The following TASOR2 variants were observed in gnomAD, a reference collection of about 807,000 sequenced individuals.
TASOR2 encodes protein TASOR 2.
A neutral mutation model predicts 199.5 loss-of-function variants in TASOR2; 84 were observed. That is an observed-to-expected ratio of 0.42 (90% CI 0.35 to 0.50). The LOEUF is 0.50. TASOR2 is among the 20% of genes least tolerant of loss of function. The pLI is 0.02. For missense variants in TASOR2, 2,796 were observed against 2,835.9 expected (o/e 0.99, Z 0.32); for synonymous variants, 1,103 against 1,046.6 (o/e 1.05, Z -1.04).
At chr10:5,691,472 A>G (rs1836419076) in intron 1 of TASOR2, among the ~76,000 whole-genome samples, 1 of 152,210 alleles carries the variant, frequency 6.6e-6, no homozygotes, top group Non-Finnish European at 1.5e-5. Flanking sequence ...AATTCCAAAA[A>G]AAAAGTTTTT....
chr10:5,704,117 G>C lies in TASOR2; in HGVS notation c.-287-8706G>C, dbSNP rs148228276. On this transcript the variant is annotated intron_variant, in intron 1 of 20. Transcript: ENST00000328090. Reference sequence around the variant, plus strand: ...TGGGCGCCTGTCATCCCAGTTACTCGGGAGGCTGAGGCAGGAGAATCACTT... The same window carrying C: ...TGGGCGCCTGTCATCCCAGTTACTCCGGAGGCTGAGGCAGGAGAATCACTT... Among the ~76,000 whole-genome samples the C allele has an allele frequency of 7.4e-4, 113 of 151,740 alleles. 2 individuals carry two copies. The highest frequency in any genetic ancestry group is 5.0e-4 in the Non-Finnish European group (34 of 67,882).
chr10:5,762,495 A>ATATT (rs1002197042), intron 19 of TASOR2, 37 bp from the exon 21 acceptor site: 6 of 540,312 alleles, frequency 1.1e-5, no homozygotes, highest in Non-Finnish European at 1.4e-5. Flanking sequence ...TACATTAATT[A>ATATT]TATTAACCAA....
intron 14 of TASOR2, among the ~76,000 whole-genome samples, chr10:5,743,177 C>T (rs36025130): frequency 0.081 from 12,386 of 152,182 alleles, 585 homozygotes; most frequent in Non-Finnish European, 0.11. Context: ...TAAAGTTTTC[C>T]GCCCAAATTT....
At chr10:5,684,919 C>T (rs114003811) in exon 1 of TASOR2, 24,383 of 397,882 alleles carry the variant, frequency 0.061, 3,934 homozygotes, top group East Asian at 0.49. Context: ...GCCTCTTGCC[C>T]GTGACCCTGA....
rs1200784707 is a variant in TASOR2 at position 5,740,659 on chromosome 10, A to G, written c.2327+162A>G. ...CATCAAGCAAACATGTTTCCTGGCA[A>G]TTAAGAGTAACAGGCTGGTTTTCCC... On this transcript the variant is annotated intron_variant, in intron 13 of 20. Coordinates refer to ENST00000328090, the Ensembl canonical transcript of TASOR2. This position sits in a 1 kb window ranked among gnomAD's most constrained non-coding sequence, Gnocchi z 5.3. Among the ~76,000 whole-genome samples the G allele has an allele frequency of 2.6e-5, 4 of 152,224 alleles. No individual in the cohort carries two copies. The highest frequency in any genetic ancestry group is 9.6e-5 in the African/African-American group (4 of 41,466).
intron 3 of TASOR2, among the ~76,000 whole-genome samples, chr10:5,718,054 G>A (rs1455682196): frequency 6.6e-6 from 1 of 152,126 alleles, no homozygotes; most frequent in African/African-American, 2.4e-5. Flanking sequence ...ATAAGGTGAT[G>A]TGATTACACT....
At chr10:5,702,856 T>C (rs1010803062) in intron 1 of TASOR2, among the ~76,000 whole-genome samples, 5 of 152,118 alleles carry the variant, frequency 3.3e-5, no homozygotes, top group Admixed American at 1.3e-4. Flanking sequence ...CATTGAGACA[T>C]ATTCTGGTAA....
At chr10:5,762,251 T>TATC (rs1491298405) in intron 19 of TASOR2, among the ~76,000 whole-genome samples, 2 of 46,766 alleles carry the variant, frequency 4.3e-5, no homozygotes, top group Non-Finnish European at 7.8e-5. Flanking sequence ...CCTATCTATC[T>TATC]TTAAAAAAAA....
At position 5,747,047 on chromosome 10, in the gene TASOR2, C is replaced by G; in HGVS notation, c.3626C>G (p.Ser1209Ter). 1.2e-6 allele frequency: 2 copies of G among 1,614,146 alleles called. No individual in the cohort carries two copies. Among genetic ancestry groups the G allele is most frequent in the Non-Finnish European group, 1.7e-6 (2 of 1,180,044 alleles). ...CTGACACAGGTTGAAGTGGACTCAT[C>G]ATCAGCCTCTACCACCTTGGGAAGG... is the stretch of plus-strand genomic sequence containing the variant. Residue 1209 changes from serine (S) to a stop codon, truncating the protein, a stop_gained, in exon 15 of 21, where the codon TCA becomes TGA. Coordinates refer to ENST00000328090, the Ensembl canonical transcript of TASOR2. LOFTEE classifies it high-confidence loss of function.
chr10:5,753,863 G>C (rs924999375), intron 15 of TASOR2, among the ~76,000 whole-genome samples: 1 of 152,084 alleles, frequency 6.6e-6, no homozygotes, highest in African/African-American at 2.4e-5. Flanking sequence ...CTTTTACCTT[G>C]AATTCAGGTT....
intron 1 of TASOR2, among the ~76,000 whole-genome samples, chr10:5,692,166 C>CAAAAAAA (rs1836512537): frequency 4.3e-5 from 3 of 70,444 alleles, no homozygotes; most frequent in Admixed American, 2.7e-4. Context: ...AAAAAAAAAG[C>CAAAAAAA]CATATTCATT....
Position 5,763,033 on chromosome 10 carries a change from C to T in TASOR2, c.*1C>T, listed in dbSNP as rs772529151. On this transcript the variant is annotated 3_prime_UTR_variant, in exon 21 of 21. Coordinates refer to ENST00000328090, the Ensembl canonical transcript of TASOR2. The stretch of plus-strand genomic sequence containing the variant: ...ATCAATTTTGTGTTTCTTCAGGTGA[C>T]TCAACTACAGCCTGCCTGGATATGG... The T allele has an allele frequency of 8.7e-6, 14 of 1,611,622 alleles. No individual in the cohort carries two copies. In the South Asian group the frequency reaches 1.4e-4, roughly 17 times the overall value.
At chr10:5,734,572 T>C (rs1326160675) in intron 11 of TASOR2, among the ~76,000 whole-genome samples, 1 of 152,186 alleles carries the variant, frequency 6.6e-6, no homozygotes, top group African/African-American at 2.4e-5. Context: ...ATACAACTCT[T>C]CTCTGCAGTG....
chr10:5,748,167 T>C lies in TASOR2; in HGVS notation c.4746T>C (p.Ile1582=), dbSNP rs1467008451. 1.9e-6 allele frequency: 3 copies of C among 1,614,106 alleles called. No individual in the cohort carries two copies. In the African/African-American group the frequency reaches 4.0e-5, roughly 22 times the overall value. ...CTCCATTTGGTCCTAGAAATGTTAT[T>C]GAAAATAAGTCTTTGTCTGACACAT... The change falls in exon 15 of 21, where the codon ATT becomes ATC. Residue 1582 remains isoleucine, a synonymous_variant. Transcript: ENST00000328090. This position sits in a 1 kb window ranked among gnomAD's most constrained non-coding sequence, Gnocchi z 5.1.
At chr10:5,760,069 C>T (rs961468094) in intron 18 of TASOR2, among the ~76,000 whole-genome samples, 2 of 152,184 alleles carry the variant, frequency 1.3e-5, no homozygotes, top group South Asian at 2.1e-4. Flanking sequence ...GCCTGAGAAA[C>T]GTCATAAGAC....
chr10:5,734,430 T>C (rs1047463298), intron 11 of TASOR2, among the ~76,000 whole-genome samples: 1 of 152,166 alleles, frequency 6.6e-6, no homozygotes, highest in African/African-American at 2.4e-5. Context: ...TTGTTAGAAA[T>C]AAAACCAGGT....
In TASOR2 at chr10:5,684,923, A is replaced by G; in HGVS notation, c.-540A>G. 2.5e-6 allele frequency: 1 copy of G among 397,498 alleles called. No homozygotes were observed. Among genetic ancestry groups the G allele is most frequent in the Non-Finnish European group, 4.4e-6 (1 of 225,552 alleles). 24.6% of individuals were successfully genotyped at this position (397,498 alleles called of 1,614,324 possible). On this transcript the variant is annotated 5_prime_UTR_variant, in exon 1 of 21. An upstream open reading frame in the 5' UTR loses its in-frame stop. Coordinates refer to ENST00000328090, the Ensembl canonical transcript of TASOR2. The stretch of plus-strand genomic sequence containing the variant: ...GTCCCGGGGTTGCCTCTTGCCCGTG[A>G]CCCTGACGGGAGACAGAGCGCGGGC...
In TASOR2 at chr10:5,762,526, T is replaced by TTTTAAAAA; in HGVS notation, c.7175-6_7175-5insTTTAAAAA. On this transcript the variant is annotated splice_region_variant and splice_polypyrimidine_tract_variant and intron_variant, in intron 19 of 20. Transcript: ENST00000328090. ...ACCAAAAGTTGTTTTTTTTTTTTTT[T>TTTTAAAAA]AACAGACAAGCCTACTATCCCCAGA... is the stretch of plus-strand genomic sequence containing the variant. The TTTTAAAAA allele has an allele frequency of 1.4e-6, 1 of 699,660 alleles. No homozygotes were observed. The allele number at this position is 699,660 out of a possible 1,614,324, so 43.3% of individuals were successfully genotyped here. A position where few individuals can be genotyped will look rare whatever the true frequency, so the allele number is the denominator to read the frequency against.
At chr10:5,744,921 G>A (rs1836965608) in intron 14 of TASOR2, among the ~76,000 whole-genome samples, 1 of 152,184 alleles carries the variant, frequency 6.6e-6, no homozygotes, top group Non-Finnish European at 1.5e-5. Context: ...GAGAAGCCGT[G>A]CCCTACCTAA....
Sources: allele counts gnomAD v4.1 joint callset (sites outside exome capture counted in the v4.1 genomes callset), GRCh38; gene constraint gnomAD v4.1.1; non-coding constraint Gnocchi (gnomAD v3.1); transcripts MANE v1.5; gene names NCBI Gene and HGNC (gene_info 2026-07-23, HGNC 2026-07-21).